OXR1: variants seen among roughly 807,000 people sequenced by gnomAD.
The protein encoded by OXR1 is oxidation resistance 1.
OXR1 carries 41 observed loss-of-function variants against 104.6 expected under a neutral mutation model. The ratio of observed to expected loss-of-function variants is 0.39; its 90% CI spans 0.31 to 0.51. The LOEUF (loss-of-function observed/expected upper bound fraction) is 0.51. Ranked by LOEUF, OXR1 falls within the 20% of genes least tolerant of loss-of-function variation. OXR1 has a pLI of 0.77. For missense variants in OXR1, 955 were observed against 1,031.9 expected (o/e 0.93, Z 1.02); for synonymous variants, 348 against 348.4 (o/e 1.00, Z 0.01).
Position 106,510,753 on chromosome 8 carries a change from G to A in OXR1, c.24-8190G>A, listed in dbSNP as rs1345254136. On this transcript the variant is annotated intron_variant, in intron 2 of 16. Coordinates refer to ENST00000517566, the MANE Select transcript of OXR1 (RefSeq NM_001198533.2). ...ATTTCTGCATGTCATTGCACCTGTG[G>A]CTTAATTCTTACATTTTCTGTTCTC... 3.3e-5 allele frequency among the ~76,000 whole-genome samples: 5 copies of A among 152,034 alleles called. No homozygotes were observed. In the South Asian group the frequency reaches 8.3e-4, roughly 25 times the overall value.
rs188592942 is a variant in OXR1, at chr8:106,302,307, G to A, written c.-139+31940G>A. Among the ~76,000 whole-genome samples the A allele has an allele frequency of 1.5e-3, 230 of 152,298 alleles. 3 individuals are homozygous for A. Among genetic ancestry groups the A allele is most frequent in the Admixed American group, 0.014 (220 of 15,306 alleles). On this transcript the variant is annotated intron_variant, in intron 1 of 16. Coordinates refer to ENST00000517566, the MANE Select transcript of OXR1 (RefSeq NM_001198533.2). ...TAAAAAAAAATCAATAATCAGCCGAGCGCGGTGGCTCACGCCTGTAATCCC... is the reference window on the plus strand; with the variant it reads ...TAAAAAAAAATCAATAATCAGCCGAACGCGGTGGCTCACGCCTGTAATCCC...
chr8:106,287,707 C>G (rs1812558110), intron 1 of OXR1, among the ~76,000 whole-genome samples: 2 of 151,940 alleles, frequency 1.3e-5, no homozygotes, highest in African/African-American at 4.8e-5. Context: ...TAATGAAACT[C>G]TGTGCTGTAT....
intron 7 of OXR1, among the ~76,000 whole-genome samples, chr8:106,695,056 C>T (rs907388021): frequency 1.9e-4 from 27 of 142,692 alleles, no homozygotes; most frequent in African/African-American, 7.1e-4. Context: ...ACACACCTTA[C>T]AACAGTATAC....
Position 106,399,596 on chromosome 8 carries a change from C to T in OXR1, c.23+39960C>T, listed in dbSNP as rs879357282. Among the ~76,000 whole-genome samples the T allele has an allele frequency of 3.9e-5, 6 of 152,174 alleles. No individual in the cohort carries two copies. The East Asian group carries it at 1.2e-3, about 29-fold the overall frequency. The stretch of plus-strand genomic sequence containing the variant: ...TCTCTGAAGTATTATATGTGACATT[C>T]AGACTGTGATTAGAAACCCTCTTTT... On this transcript the variant is annotated intron_variant, in intron 2 of 16. Transcript: ENST00000517566.
intron 1 of OXR1, among the ~76,000 whole-genome samples, chr8:106,275,074 C>A (rs1260471605): frequency 2.0e-5 from 3 of 152,206 alleles, no homozygotes; most frequent in Admixed American, 2.0e-4. Context: ...GATGGGCATT[C>A]ATTTTCATTG....
At chr8:106,711,984 A>G (rs1039018608) in intron 10 of OXR1, among the ~76,000 whole-genome samples, 2 of 152,108 alleles carry the variant, frequency 1.3e-5, no homozygotes, top group Non-Finnish European at 2.9e-5. Context: ...TGCCTGTCTT[A>G]AGGAGATAGA....
chr8:106,750,124 A>G (rs1274680077), intron 16 of OXR1, among the ~76,000 whole-genome samples: 1 of 150,882 alleles, frequency 6.6e-6, no homozygotes, highest in African/African-American at 2.4e-5. Context: ...AAATATGTTA[A>G]AACCATACCG....
At chr8:106,365,655 C>T (rs1336522787) in intron 2 of OXR1, among the ~76,000 whole-genome samples, 3 of 152,118 alleles carry the variant, frequency 2.0e-5, no homozygotes, top group African/African-American at 2.4e-5. Context: ...TTGGGATTGA[C>T]ACTTTAATTA....
chr8:106,748,932 T>C (rs942652953), intron 16 of OXR1, among the ~76,000 whole-genome samples: 1 of 152,120 alleles, frequency 6.6e-6, no homozygotes, highest in Admixed American at 6.5e-5. Flanking sequence ...TAGAAACACA[T>C]CTCTATACTT....
chr8:106,395,708 T>G (rs988991348), intron 2 of OXR1, among the ~76,000 whole-genome samples: 2 of 152,158 alleles, frequency 1.3e-5, no homozygotes, highest in African/African-American at 2.4e-5. Flanking sequence ...ATCTATTTCC[T>G]AGGTCTGTCT....
chr8:106,387,269 G>A (rs1817414671), intron 2 of OXR1, among the ~76,000 whole-genome samples: 1 of 152,188 alleles, frequency 6.6e-6, no homozygotes, highest in Admixed American at 6.5e-5. Flanking sequence ...GGGAATGCAG[G>A]TTTGCACAGA....
intron 1 of OXR1, among the ~76,000 whole-genome samples, chr8:106,318,719 C>T (rs1362219319): frequency 6.6e-6 from 1 of 152,176 alleles, no homozygotes; most frequent in Non-Finnish European, 1.5e-5. Context: ...CTCCTTTGTT[C>T]ATATCACAAG....
intron 3 of OXR1, among the ~76,000 whole-genome samples, chr8:106,553,241 A>G (rs1816007053): frequency 6.8e-6 from 1 of 146,630 alleles, no homozygotes; most frequent in Non-Finnish European, 1.5e-5. Flanking sequence ...AAATATATTC[A>G]TACTGTGGAA....
intron 3 of OXR1, among the ~76,000 whole-genome samples, chr8:106,539,618 G>C (rs1354573346): frequency 6.6e-6 from 1 of 152,182 alleles, no homozygotes; most frequent in Non-Finnish European, 1.5e-5. Context: ...AATTCTTTAA[G>C]AGTGAATCAT....
chr8:106,362,735 A>G (rs930970400), intron 2 of OXR1, among the ~76,000 whole-genome samples: 1 of 152,240 alleles, frequency 6.6e-6, no homozygotes, highest in African/African-American at 2.4e-5. Flanking sequence ...TCTGTTGCAG[A>G]AAACTACGAA....
At chr8:106,431,447 A>G (rs1480314381) in intron 2 of OXR1, among the ~76,000 whole-genome samples, 1 of 152,140 alleles carries the variant, frequency 6.6e-6, no homozygotes, top group East Asian at 1.9e-4. Flanking sequence ...ATTGTATTAA[A>G]CTTATGATTT....
chr8:106,481,364 A>C (rs968864039), intron 2 of OXR1, among the ~76,000 whole-genome samples: 1 of 152,074 alleles, frequency 6.6e-6, no homozygotes, highest in African/African-American at 2.4e-5. Flanking sequence ...CAATAAAGAG[A>C]GGCTGACTCT....
intron 1 of OXR1, among the ~76,000 whole-genome samples, chr8:106,339,541 T>TATATAG (rs1269667068): frequency 3.0e-5 from 3 of 99,230 alleles, no homozygotes; most frequent in Non-Finnish European, 5.7e-5. Context: ...TATATATATA[T>TATATAG]ATATATATAT....
intron 2 of OXR1, chr8:106,447,896 G>C: frequency 2.7e-6 from 4 of 1,504,330 alleles, no homozygotes; most frequent in East Asian, 2.5e-5. Context: ...CAACAGCCGG[G>C]CTCCTGGCGG....
Sources: allele counts gnomAD v4.1 joint callset (sites outside exome capture counted in the v4.1 genomes callset), GRCh38; gene constraint gnomAD v4.1.1; transcripts MANE v1.5; gene names NCBI Gene and HGNC (gene_info 2026-07-23, HGNC 2026-07-21).